Variants in INSIG2 observed in about 807,000 individuals in gnomAD.
INSIG2 encodes the protein insulin induced gene 2.
In INSIG2, 10 loss-of-function variants were observed where a neutral mutation model predicts 27.2. The ratio of observed to expected loss-of-function variants is 0.37; its 90% CI spans 0.23 to 0.62. The LOEUF (loss-of-function observed/expected upper bound fraction) is 0.62. INSIG2 is among the 20% of genes least tolerant of loss of function. The pLI, the probability that INSIG2 is intolerant of heterozygous loss-of-function variation, is 0.65. For missense variants in INSIG2, 178 were observed against 270.2 expected, an observed-to-expected ratio of 0.66 and a Z score of 2.39; for synonymous variants, 97 against 95.8, an observed-to-expected ratio of 1.01 and a Z score of -0.07.
intron 3 of INSIG2, 177 bp from the exon 4 acceptor site, chr2:118,106,560 A>G (rs1373821874): frequency 7.3e-6 from 4 of 550,244 alleles, no homozygotes; most frequent in Non-Finnish European, 1.3e-5. Flanking sequence ...GGTATTGGGT[A>G]AATACTGGAG....
At chr2:118,096,972 C>A (rs979272668) in intron 2 of INSIG2, among the ~76,000 whole-genome samples, 172 bp downstream of exon 2, 3 of 152,186 alleles carry the variant, frequency 2.0e-5, no homozygotes, top group African/African-American at 7.2e-5. Context: ...TAGGCAAATG[C>A]GTACAGTCAC....
rs995746712 is a variant in INSIG2 at position 118,110,104 on chromosome 2, GT to G, written c.*1783del. 9.8e-5 allele frequency: 15 copies of G among 152,418 alleles called. No individual in the cohort carries two copies. Among genetic ancestry groups the G allele is most frequent in the Non-Finnish European group, 1.5e-4 (10 of 68,028 alleles). 9.4% of individuals were successfully genotyped at this position (152,418 alleles called of 1,614,324 possible). Reference sequence around the variant, plus strand: ...GATTAATCTAATGAAATTAACATATGTGGTTGAAGTTACCAAGAAACGATGA... The same window carrying G: ...GATTAATCTAATGAAATTAACATATGGGTTGAAGTTACCAAGAAACGATGA... On this transcript the variant is annotated 3_prime_UTR_variant, in exon 6 of 6. Transcript: ENST00000245787.
intron 2 of INSIG2, among the ~76,000 whole-genome samples, chr2:118,098,777 C>T (rs1435388881): frequency 6.6e-6 from 1 of 152,234 alleles, no homozygotes; most frequent in Non-Finnish European, 1.5e-5. Flanking sequence ...TCAGCCACTA[C>T]TTTCCTTCCT....
chr2:118,106,654 A>G, intron 3 of INSIG2, 83 bp from the exon 4 acceptor site: 1 of 1,076,044 alleles, frequency 9.3e-7, no homozygotes, highest in South Asian at 1.5e-5. Context: ...CCTTCTCAAC[A>G]GAGGCATCTC....
intron 2 of INSIG2, among the ~76,000 whole-genome samples, chr2:118,101,709 CTGTCAGTTAATCT>C (rs1361744856): frequency 6.6e-6 from 1 of 152,102 alleles, no homozygotes; most frequent in Non-Finnish European, 1.5e-5. Flanking sequence ...TTTTAAAATC[CTGTCAGTTAATCT>C]TGTCAGGATT....
rs752174694 is a variant in INSIG2 at position 118,108,378 on chromosome 2, G to A, written c.*56G>A. Reference sequence around the variant, plus strand: ...AGCAAGATGAAAAGGATGTGAAATGGTAGATATACCAACAAAACTTCAGAC... The same window carrying A: ...AGCAAGATGAAAAGGATGTGAAATGATAGATATACCAACAAAACTTCAGAC... On this transcript the variant is annotated 3_prime_UTR_variant, in exon 6 of 6. Transcript: ENST00000245787. The A allele has an allele frequency of 7.4e-7, 1 of 1,352,500 alleles. No individual in the cohort carries two copies. Among genetic ancestry groups the A allele is most frequent in the South Asian group, 1.2e-5 (1 of 80,282 alleles). 83.8% of individuals were successfully genotyped at this position (1,352,500 alleles called of 1,614,324 possible).
At position 118,103,341 on chromosome 2, in the gene INSIG2, G is replaced by A. The variant is rs201270442; in HGVS notation, c.369+20G>A. 7.5e-5 allele frequency: 120 copies of A among 1,591,776 alleles called. No individual in the cohort carries two copies. Among genetic ancestry groups the A allele is most frequent in the Non-Finnish European group, 9.6e-5 (112 of 1,165,966 alleles). On this transcript the variant is annotated intron_variant, in intron 3 of 5. Coordinates refer to ENST00000245787, the MANE Select transcript of INSIG2 (RefSeq NM_016133.4). ...AGTGCTGTATCCTTTACTCTGTAAT[G>A]AAATGCATAATAACAAAGTGGCTTC...
In INSIG2 at chr2:118,109,900, G is replaced by A. The variant is rs1439506422; in HGVS notation, c.*1578G>A. ...AATGTTATTCATTTAGAACAAATAA[G>A]GTATATTTTTTAGAATCAACTTTGT... On this transcript the variant is annotated 3_prime_UTR_variant, in exon 6 of 6. Coordinates refer to ENST00000245787, the MANE Select transcript of INSIG2 (RefSeq NM_016133.4). The A allele has an allele frequency of 6.6e-6, 1 of 152,170 alleles. No homozygotes were observed. The highest frequency in any genetic ancestry group is 1.5e-5 in the Non-Finnish European group (1 of 67,964). The allele number at this position is 152,170 out of a possible 1,614,324, so 9.4% of individuals were successfully genotyped here.
intron 1 of INSIG2, among the ~76,000 whole-genome samples, chr2:118,090,779 A>T (rs1678205630): frequency 6.6e-6 from 1 of 152,224 alleles, no homozygotes; most frequent in Non-Finnish European, 1.5e-5. Flanking sequence ...GAATGGAAGC[A>T]GTGTGGTGAA....
intron 3 of INSIG2, among the ~76,000 whole-genome samples, chr2:118,105,980 G>A (rs918122417): frequency 2.6e-5 from 4 of 152,182 alleles, no homozygotes; most frequent in African/African-American, 4.8e-5. Flanking sequence ...AGAGATTTTG[G>A]TGTAGAAAAG....
At position 118,108,609 on chromosome 2, in the gene INSIG2, A is replaced by G. The variant is rs1678736433; in HGVS notation, c.*287A>G. ...GTTGATTAATAGATGAAATTTTTAA[A>G]TTAATTTTTTAAAACATGCCATACA... On this transcript the variant is annotated 3_prime_UTR_variant, in exon 6 of 6. Coordinates refer to ENST00000245787, the MANE Select transcript of INSIG2 (RefSeq NM_016133.4). 1 of 239,144 alleles carries G rather than the reference A, an allele frequency of 4.2e-6. No individual in the cohort carries two copies. Among genetic ancestry groups the G allele is most frequent in the Non-Finnish European group, 8.0e-6 (1 of 124,652 alleles). The allele number at this position is 239,144 out of a possible 1,614,324, so 14.8% of individuals were successfully genotyped here. A position where few individuals can be genotyped will look rare whatever the true frequency, so the allele number is the denominator to read the frequency against.
chr2:118,104,491 GA>G (rs1678626059), intron 3 of INSIG2, among the ~76,000 whole-genome samples: 1 of 152,106 alleles, frequency 6.6e-6, no homozygotes, highest in African/African-American at 2.4e-5. Flanking sequence ...TTATTTTGGT[GA>G]ACTTTTTGAG....
chr2:118,103,098 A>G, intron 2 of INSIG2, 99 bp from the exon 3 acceptor site: 2 of 1,009,242 alleles, frequency 2.0e-6, no homozygotes, highest in Non-Finnish European at 2.7e-6. Context: ...TTTTTTAAGA[A>G]TCTTTAAAAT....
chr2:118,106,223 T>C (rs1337543822), intron 3 of INSIG2, among the ~76,000 whole-genome samples: 1 of 152,244 alleles, frequency 6.6e-6, no homozygotes, highest in Admixed American at 6.5e-5. Context: ...ATAAAATGTG[T>C]CTGTCAGTAA....
intron 2 of INSIG2, among the ~76,000 whole-genome samples, chr2:118,101,688 T>A (rs1219682995): frequency 6.6e-6 from 1 of 152,228 alleles, no homozygotes; most frequent in Non-Finnish European, 1.5e-5. Context: ...GCCATTTTAT[T>A]TGTATAGAAA....
chr2:118,101,493 T>C (rs1358107895), intron 2 of INSIG2, among the ~76,000 whole-genome samples: 1 of 152,160 alleles, frequency 6.6e-6, no homozygotes, highest in Admixed American at 6.5e-5. Flanking sequence ...TACCTAGGCA[T>C]CAGTTGCTCA....
In INSIG2 at chr2:118,107,121, T is replaced by C. The variant is rs1362182528; in HGVS notation, c.568T>C (p.Ser190Pro). Reference sequence around the variant, plus strand: ...ATCTCCAGATTTCCTCTATGTTCGTTCTTGGTTACCATGTATATTTTTTGC... The same window carrying C: ...ATCTCCAGATTTCCTCTATGTTCGTCCTTGGTTACCATGTATATTTTTTGC... ...YTSPDFLYVRSWLPCIFFAGG... is the reference protein window; with the variant it reads ...YTSPDFLYVRPWLPCIFFAGG... Residue 190 changes from serine (S) to proline (P), a missense_variant, in exon 5 of 6, where the codon TCT becomes CCT. Transcript: ENST00000245787. 1 of 1,613,376 alleles carries C rather than the reference T, an allele frequency of 6.2e-7. No homozygotes were observed.
At chr2:118,093,062 C>T (rs1669135781) in intron 1 of INSIG2, among the ~76,000 whole-genome samples, 1 of 112,406 alleles carries the variant, frequency 8.9e-6, no homozygotes. Flanking sequence ...GCTACTGAAC[C>T]TTGCCAAAAG....
Position 118,108,454 on chromosome 2 carries a change from A to AT in INSIG2, c.*133dup. On this transcript the variant is annotated 3_prime_UTR_variant, in exon 6 of 6. Transcript: ENST00000245787. Reference sequence around the variant, plus strand: ...CCCCTTGATTGGCGTGTGTGTATATATGGATAAATATATATATACACACAC... The same window carrying AT: ...CCCCTTGATTGGCGTGTGTGTATATATTGGATAAATATATATATACACACAC... 1.7e-6 allele frequency: 1 copy of AT among 604,522 alleles called. No individual in the cohort carries two copies. The highest frequency in any genetic ancestry group is 3.0e-5 in the East Asian group (1 of 33,850). 37.4% of individuals were successfully genotyped at this position (604,522 alleles called of 1,614,324 possible). A position where few individuals can be genotyped will look rare whatever the true frequency, so the allele number is the denominator to read the frequency against.
Sources: allele counts gnomAD v4.1 joint callset (sites outside exome capture counted in the v4.1 genomes callset), GRCh38; gene constraint gnomAD v4.1.1; transcripts MANE v1.5; gene names NCBI Gene and HGNC (gene_info 2026-07-23, HGNC 2026-07-21).